ITSN1: variants seen among roughly 807,000 people sequenced by gnomAD.
The protein encoded by ITSN1 is intersectin 1, also known as intersectin-1.
ITSN1 carries 58 observed loss-of-function variants against 239.8 expected under a neutral mutation model. The observed-to-expected ratio is 0.24, with a 90% confidence interval of 0.20 to 0.30. ITSN1 has a LOEUF of 0.30. ITSN1 is among the 10% of genes least tolerant of loss of function. The pLI is 1.00. For missense variants in ITSN1, 1,558 were observed against 2,103.3 expected, an observed-to-expected ratio of 0.74 and a Z score of 5.07; for synonymous variants, 780 against 770.8, an observed-to-expected ratio of 1.01 and a Z score of -0.20.
intron 32 of ITSN1, among the ~76,000 whole-genome samples, 159 bp from the exon 33 acceptor site, chr21:33,867,074 G>A (rs1981735505): frequency 6.6e-6 from 1 of 152,184 alleles, no homozygotes; most frequent in African/African-American, 2.4e-5. Context: ...TGTCATCCTG[G>A]ACAGGGTAAC....
intron 1 of ITSN1, among the ~76,000 whole-genome samples, chr21:33,670,356 G>GAAAAC (rs1287549115): frequency 7.9e-5 from 12 of 151,990 alleles, no homozygotes; most frequent in African/African-American, 2.4e-4. Flanking sequence ...CACTGTCCCA[G>GAAAAC]AAAACAAAAC....
chr21:33,823,791 T>C (rs2073823747), intron 25 of ITSN1, 138 bp downstream of exon 25: 2 of 778,090 alleles, frequency 2.6e-6, no homozygotes, highest in Admixed American at 5.7e-5. Flanking sequence ...TGACCTGTCA[T>C]TGTTTGATCT....
chr21:33,781,559 T>G lies in ITSN1; in HGVS notation c.1684+11T>G. 1 of 1,418,634 alleles carries G rather than the reference T, an allele frequency of 7.0e-7. No homozygotes were observed. The highest frequency in any genetic ancestry group is 9.6e-7 in the Non-Finnish European group (1 of 1,038,942). 87.9% of individuals were successfully genotyped at this position (1,418,634 alleles called of 1,614,324 possible). ...AGAACAGTTTGCACAGTAGGTGTTT[T>G]ATTTTTAAAGTTGACCTTTTCTTTA... is the stretch of plus-strand genomic sequence containing the variant. On this transcript the variant is annotated intron_variant, in intron 15 of 39. Coordinates refer to ENST00000381318, the MANE Select transcript of ITSN1 (RefSeq NM_003024.3).
chr21:33,824,992 G>A (rs182331678), intron 25 of ITSN1, among the ~76,000 whole-genome samples: 1 of 152,134 alleles, frequency 6.6e-6, no homozygotes, highest in African/African-American at 2.4e-5. Context: ...AGTCCAATGA[G>A]AGTCATACAG....
At chr21:33,787,256 T>C (rs888484709) in intron 16 of ITSN1, among the ~76,000 whole-genome samples, 3 of 152,222 alleles carry the variant, frequency 2.0e-5, no homozygotes, top group African/African-American at 7.2e-5. Flanking sequence ...TCAGTTGTTA[T>C]TTGGGTCATG....
intron 29 of ITSN1, among the ~76,000 whole-genome samples, chr21:33,848,309 G>A (rs535225106): frequency 1.2e-4 from 19 of 152,374 alleles, no homozygotes; most frequent in Non-Finnish European, 1.3e-4. Context: ...ACACACAGAC[G>A]CTGGAGATGT....
At chr21:33,661,539 T>C (rs2089556897) in intron 1 of ITSN1, among the ~76,000 whole-genome samples, 1 of 152,148 alleles carries the variant, frequency 6.6e-6, no homozygotes, top group Non-Finnish European at 1.5e-5. Context: ...CCCACCATTG[T>C]TTTTGTATCA....
intron 29 of ITSN1, among the ~76,000 whole-genome samples, chr21:33,855,536 A>AAG (rs899678373): frequency 3.9e-5 from 6 of 152,260 alleles, no homozygotes; most frequent in African/African-American, 1.4e-4. Flanking sequence ...TCTGATAAAA[A>AAG]AGAGAGGTGG....
At chr21:33,657,679 C>A (rs890660324) in intron 1 of ITSN1, among the ~76,000 whole-genome samples, 5 of 152,022 alleles carry the variant, frequency 3.3e-5, no homozygotes, top group African/African-American at 1.2e-4. Flanking sequence ...GGTGTTGGTC[C>A]CCAACACAGG....
At chr21:33,808,184 A>G (rs984549915) in intron 20 of ITSN1, among the ~76,000 whole-genome samples, 1 of 150,144 alleles carries the variant, frequency 6.7e-6, no homozygotes, top group Admixed American at 6.6e-5. Context: ...ACAGAGCGAG[A>G]CTCCGTCTCA....
intron 11 of ITSN1, among the ~76,000 whole-genome samples, chr21:33,768,805 T>A (rs2068904762): frequency 6.6e-6 from 1 of 152,232 alleles, no homozygotes; most frequent in Non-Finnish European, 1.5e-5. Context: ...CAGTTTATTG[T>A]CTAAACTAAA....
intron 5 of ITSN1, among the ~76,000 whole-genome samples, chr21:33,743,575 G>T (rs918946101): frequency 3.3e-5 from 5 of 152,136 alleles, no homozygotes; most frequent in Non-Finnish European, 7.4e-5. Context: ...CCCTGAGGAA[G>T]AAAACTAAAC....
chr21:33,765,726 T>G, intron 9 of ITSN1, 149 bp from the exon 10 acceptor site: 2 of 696,996 alleles, frequency 2.9e-6, no homozygotes, highest in Non-Finnish European at 4.8e-6. Context: ...TGCAGCAGTA[T>G]AAAATAGGTA....
At position 33,782,022 on chromosome 21, in the gene ITSN1, C is replaced by A; in HGVS notation, c.1713C>A (p.Ala571=). Residue 571 remains alanine, a synonymous_variant, in exon 16 of 40, where the codon GCC becomes GCA. Coordinates refer to ENST00000381318, the MANE Select transcript of ITSN1 (RefSeq NM_003024.3). ...ATTCACTTGTTACACTTAAAAGAGCCTTAGAAGCAAAAGAACTAGCTCGGC... is the reference window on the plus strand; with the variant it reads ...ATTCACTTGTTACACTTAAAAGAGCATTAGAAGCAAAAGAACTAGCTCGGC... ...HRDSLVTLKR[A]LEAKELARQH... The A allele has an allele frequency of 6.2e-7, 1 of 1,612,398 alleles. No individual in the cohort carries two copies. The highest frequency in any genetic ancestry group is 8.5e-7 in the Non-Finnish European group (1 of 1,179,574).
intron 19 of ITSN1, among the ~76,000 whole-genome samples, chr21:33,800,225 A>G (rs1290710019): frequency 6.6e-6 from 1 of 151,994 alleles, no homozygotes; most frequent in Non-Finnish European, 1.5e-5. Flanking sequence ...CTTATATACT[A>G]TGAGTATACA....
intron 29 of ITSN1, among the ~76,000 whole-genome samples, chr21:33,850,413 C>T (rs775604005): frequency 8.5e-5 from 13 of 152,166 alleles, no homozygotes; most frequent in East Asian, 1.9e-4. Context: ...CTGTGCCCAC[C>T]GGCTTCTCCA....
In ITSN1 at chr21:33,778,740, G is replaced by A. The variant is rs573680929; in HGVS notation, c.1597-2721G>A. 4.0e-4 allele frequency among the ~76,000 whole-genome samples: 59 copies of A among 145,860 alleles called. 1 individual carries two copies. The highest frequency in any genetic ancestry group is 1.5e-3 in the Admixed American group (23 of 14,956). ...ACTACAGGCGCCCGCCACTACGCCC[G>A]GCTAATTTTTTGTATTTTTAGTAGA... On this transcript the variant is annotated intron_variant, in intron 14 of 39. Transcript: ENST00000381318.
chr21:33,699,297 A>G (rs753401599), intron 1 of ITSN1, among the ~76,000 whole-genome samples: 3 of 152,204 alleles, frequency 2.0e-5, no homozygotes, highest in Admixed American at 2.0e-4. Context: ...CAACTTTAAA[A>G]CAAATTTTTA....
chr21:33,829,462 G>A, intron 26 of ITSN1, 162 bp from the exon 27 acceptor site: 1 of 711,728 alleles, frequency 1.4e-6, no homozygotes, highest in East Asian at 2.6e-5. Context: ...GGTAGCTCTG[G>A]GAACGGGCGA....
Sources: allele counts gnomAD v4.1 joint callset (sites outside exome capture counted in the v4.1 genomes callset), GRCh38; gene constraint gnomAD v4.1.1; transcripts MANE v1.5; gene names NCBI Gene and HGNC (gene_info 2026-07-23, HGNC 2026-07-21).